Variants in NALF1 observed in about 807,000 individuals in gnomAD.
NALF1 encodes NALCN channel auxiliary factor 1, also known as family with sequence similarity 155 member A.
A neutral mutation model predicts 48.4 loss-of-function variants in NALF1; 3 were observed. That is an observed-to-expected ratio of 0.06 (90% CI 0.03 to 0.16). The LOEUF is 0.16. Among genes scored for constraint, NALF1 ranks in the 10% least tolerant of loss-of-function variants. The pLI is 1.00. For synonymous variants in NALF1, 262 were observed against 245.7 expected (o/e 1.07, Z -0.62); for missense variants, 526 against 571.5 (o/e 0.92, Z 0.81).
At chr13:107,184,996 A>G (rs1268520856) in intron 2 of NALF1, among the ~76,000 whole-genome samples, 2 of 152,160 alleles carry the variant, frequency 1.3e-5, no homozygotes, top group Non-Finnish European at 2.9e-5. Context: ...ATGTCCTAAT[A>G]AAAAAGAAAA....
intron 1 of NALF1, among the ~76,000 whole-genome samples, chr13:107,270,654 T>C (rs537319738): frequency 2.5e-4 from 15 of 59,836 alleles, no homozygotes; most frequent in South Asian, 7.7e-4. Context: ...TTGATAGTTA[T>C]ATATATATAT....
At chr13:107,524,943 A>G (rs1287648020) in intron 1 of NALF1, among the ~76,000 whole-genome samples, 2 of 150,326 alleles carry the variant, frequency 1.3e-5, no homozygotes, top group East Asian at 3.9e-4. Context: ...ACTTGTTCTC[A>G]GAGAGAGAGA....
intron 1 of NALF1, among the ~76,000 whole-genome samples, chr13:107,286,971 C>T (rs1368591241): frequency 6.6e-6 from 1 of 152,174 alleles, no homozygotes; most frequent in Non-Finnish European, 1.5e-5. Context: ...CTAGACAGAG[C>T]TTGTGGCTGC....
intron 1 of NALF1, among the ~76,000 whole-genome samples, chr13:107,432,319 C>A (rs1319973751): frequency 6.6e-6 from 1 of 152,190 alleles, no homozygotes; most frequent in Admixed American, 6.5e-5. Context: ...ACCTGCAACC[C>A]TGGGGATCAT....
intron 1 of NALF1, among the ~76,000 whole-genome samples, chr13:107,403,812 C>T (rs979223133): frequency 4.6e-5 from 7 of 151,686 alleles, no homozygotes; most frequent in African/African-American, 7.3e-5. Context: ...CAAGCAGAAA[C>T]GTCTTCTTTC....
intron 1 of NALF1, among the ~76,000 whole-genome samples, chr13:107,609,499 C>A (rs1879165824): frequency 6.6e-6 from 1 of 152,188 alleles, no homozygotes; most frequent in African/African-American, 2.4e-5. Context: ...GCTTTTCAAC[C>A]AAGAGCCTTG....
chr13:107,170,835 G>C (rs186679664), intron 2 of NALF1, 49 bp from the exon 3 acceptor site: 1 of 1,547,024 alleles, frequency 6.5e-7, no homozygotes, highest in South Asian at 1.1e-5. Context: ...ATACATTTGC[G>C]ACATAGTAGA....
chr13:107,652,668 A>G (rs1189913041), intron 1 of NALF1, among the ~76,000 whole-genome samples: 1 of 152,128 alleles, frequency 6.6e-6, no homozygotes, highest in African/African-American at 2.4e-5. Flanking sequence ...AAGACTCGTC[A>G]GCTCAGAACT....
chr13:107,368,506 C>G (rs183569218), intron 1 of NALF1, among the ~76,000 whole-genome samples: 1 of 152,220 alleles, frequency 6.6e-6, no homozygotes, highest in South Asian at 2.1e-4. Flanking sequence ...AGCAGGGCCA[C>G]GCTTGCTCCA....
intron 1 of NALF1, among the ~76,000 whole-genome samples, chr13:107,290,206 T>C (rs1303371446): frequency 6.8e-6 from 1 of 146,776 alleles, no homozygotes; most frequent in African/African-American, 2.5e-5. Context: ...AAACCAGAAA[T>C]ACATTTTGCC....
intron 1 of NALF1, among the ~76,000 whole-genome samples, chr13:107,658,626 T>C (rs190898610): frequency 6.6e-6 from 1 of 152,244 alleles, no homozygotes; most frequent in East Asian, 1.9e-4. Flanking sequence ...CTTTAAATTA[T>C]TATATTTCTG....
chr13:107,655,787 G>A (rs1473185252), intron 1 of NALF1, among the ~76,000 whole-genome samples: 2 of 151,980 alleles, frequency 1.3e-5, no homozygotes, highest in Admixed American at 6.6e-5. Flanking sequence ...CACCAAAACA[G>A]CATGGTACTG....
intron 1 of NALF1, among the ~76,000 whole-genome samples, chr13:107,285,100 G>A (rs930187724): frequency 9.2e-5 from 14 of 152,146 alleles, no homozygotes; most frequent in African/African-American, 3.1e-4. Context: ...TATATTATAT[G>A]TCTATGTGTA....
intron 1 of NALF1, among the ~76,000 whole-genome samples, chr13:107,535,197 G>A (rs1466662219): frequency 6.6e-6 from 1 of 151,984 alleles, no homozygotes; most frequent in South Asian, 2.1e-4. Context: ...GATTGCCCTG[G>A]CCAGAACTTC....
chr13:107,422,179 G>C (rs1238954844), intron 1 of NALF1, among the ~76,000 whole-genome samples: 3 of 152,112 alleles, frequency 2.0e-5, no homozygotes, highest in African/African-American at 7.2e-5. Flanking sequence ...ACATGACTGT[G>C]CTGGGCATCG....
chr13:107,280,453 T>C (rs1283648427), intron 1 of NALF1, among the ~76,000 whole-genome samples: 1 of 152,236 alleles, frequency 6.6e-6, no homozygotes, highest in Non-Finnish European at 1.5e-5. Context: ...CAGGTTTTCA[T>C]CAAACACTCA....
At chr13:107,263,937 G>T (rs1880987470) in intron 1 of NALF1, among the ~76,000 whole-genome samples, 1 of 152,124 alleles carries the variant, frequency 6.6e-6, no homozygotes, top group Non-Finnish European at 1.5e-5. Context: ...CACAGCAATA[G>T]CTGATGCCAA....
intron 2 of NALF1, among the ~76,000 whole-genome samples, chr13:107,173,604 C>A (rs542046751): frequency 1.3e-5 from 2 of 152,210 alleles, no homozygotes; most frequent in African/African-American, 4.8e-5. Context: ...GTCTCCACTG[C>A]TCCGTGCACT....
chr13:107,799,594 TA>T, intron 1 of NALF1, among the ~76,000 whole-genome samples: 1 of 152,348 alleles, frequency 6.6e-6, no homozygotes, highest in African/African-American at 2.4e-5. Context: ...TCTTACCTTT[TA>T]AAAGGCTTGT....
Sources: gnomAD v4.1 joint callset for allele counts (sites outside exome capture counted in the v4.1 genomes callset) on GRCh38, gnomAD v4.1.1 for gene constraint, MANE v1.5 for transcripts, NCBI Gene and HGNC (gene_info 2026-07-23, HGNC 2026-07-21) for gene names.